BCAR3: variants seen among roughly 807,000 people sequenced by gnomAD.
BCAR3 encodes breast cancer anti-estrogen resistance protein 3.
A neutral mutation model predicts 80.1 loss-of-function variants in BCAR3; 37 were observed. The ratio of observed to expected loss-of-function variants is 0.46; its 90% CI spans 0.36 to 0.61. The LOEUF (loss-of-function observed/expected upper bound fraction) is 0.61, where lower values mean the gene tolerates loss of function less well. Ranked by LOEUF, BCAR3 falls within the 20% of genes least tolerant of loss-of-function variation. The pLI, the probability that BCAR3 is intolerant of heterozygous loss-of-function variation, is 0.00. For missense variants in BCAR3, 978 were observed against 1,068.2 expected (o/e 0.92, Z 1.18); for synonymous variants, 389 against 418.9 (o/e 0.93, Z 0.87).
At chr1:93,601,207 C>T (rs1202018972) in intron 3 of BCAR3, among the ~76,000 whole-genome samples, 1 of 152,028 alleles carries the variant, frequency 6.6e-6, no homozygotes, top group Non-Finnish European at 1.5e-5. Context: ...CTTTCAAAGA[C>T]GGCTTTTAGC....
intron 3 of BCAR3, among the ~76,000 whole-genome samples, chr1:93,690,052 C>T (rs992647781): frequency 6.6e-6 from 1 of 152,186 alleles, no homozygotes; most frequent in African/African-American, 2.4e-5. Flanking sequence ...CACATCTATA[C>T]CTGGCATGCA....
chr1:93,781,114 C>T (rs1046238379), intron 2 of BCAR3, among the ~76,000 whole-genome samples: 2 of 152,240 alleles, frequency 1.3e-5, no homozygotes, highest in African/African-American at 4.8e-5. Flanking sequence ...GCACCTGCCC[C>T]TAGTCCACTT....
intron 2 of BCAR3, among the ~76,000 whole-genome samples, chr1:93,734,945 A>C (rs564378360): frequency 1.3e-5 from 2 of 152,316 alleles, no homozygotes; most frequent in East Asian, 1.9e-4. Flanking sequence ...CCTCTCTACC[A>C]GACACCCATG....
intron 2 of BCAR3, among the ~76,000 whole-genome samples, chr1:93,718,330 C>T (rs1650260165): frequency 6.6e-6 from 1 of 152,130 alleles, no homozygotes; most frequent in African/African-American, 2.4e-5. Flanking sequence ...CACTAGACCC[C>T]AAAGATGAAG....
chr1:93,751,047 GA>G (rs1263798057), intron 2 of BCAR3, among the ~76,000 whole-genome samples: 1 of 152,164 alleles, frequency 6.6e-6, no homozygotes, highest in Non-Finnish European at 1.5e-5. Context: ...TGGTAACCAA[GA>G]AACACCACCA....
intron 2 of BCAR3, among the ~76,000 whole-genome samples, chr1:93,773,636 C>T (rs1652437089): frequency 6.6e-6 from 1 of 152,112 alleles, no homozygotes; most frequent in Non-Finnish European, 1.5e-5. Flanking sequence ...GTGCCCAGTG[C>T]CTATAAAGTA....
At chr1:93,704,978 C>A (rs1024154903) in intron 3 of BCAR3, among the ~76,000 whole-genome samples, 1 of 152,196 alleles carries the variant, frequency 6.6e-6, no homozygotes, top group Non-Finnish European at 1.5e-5. Context: ...ATGCATTTAG[C>A]TGCAGGAAAG....
At chr1:93,832,969 C>T (rs1654625482) in intron 2 of BCAR3, among the ~76,000 whole-genome samples, 1 of 152,102 alleles carries the variant, frequency 6.6e-6, no homozygotes, top group Admixed American at 6.5e-5. Context: ...ACCTCTACTC[C>T]CTCCTTGGTG....
upstream of BCAR3, chr1:93,847,901 C>T: frequency 4.2e-6 from 1 of 239,692 alleles, no homozygotes; most frequent in Non-Finnish European, 8.2e-6. Flanking sequence ...AGAAGAGCGG[C>T]GGCGGCGGCG....
intron 3 of BCAR3, among the ~76,000 whole-genome samples, chr1:93,615,777 C>T (rs1169550828): frequency 1.3e-5 from 2 of 152,172 alleles, no homozygotes; most frequent in African/African-American, 4.8e-5. Context: ...GTGAGCATGA[C>T]TCATCAATCA....
chr1:93,641,445 G>A (rs1329430410), intron 3 of BCAR3, among the ~76,000 whole-genome samples: 1 of 152,170 alleles, frequency 6.6e-6, no homozygotes, highest in African/African-American at 2.4e-5. Flanking sequence ...TAAGTATGTT[G>A]TCATAAATCC....
chr1:93,810,192 C>CAAAAAAAAAAAAAAAAAAAA (rs111305058), intron 2 of BCAR3, among the ~76,000 whole-genome samples: 7 of 98,866 alleles, frequency 7.1e-5, no homozygotes, highest in Non-Finnish European at 8.8e-5. Flanking sequence ...GACTCCATCT[C>CAAAAAAAAAAAAAAAAAAAA]AAAAAAAAAA....
chr1:93,690,730 T>G (rs1649159222), intron 3 of BCAR3, among the ~76,000 whole-genome samples: 1 of 152,244 alleles, frequency 6.6e-6, no homozygotes, highest in Non-Finnish European at 1.5e-5. Flanking sequence ...TACCTCATGA[T>G]GCTGTTGTGA....
At chr1:93,773,814 T>TA (rs1391312912) in intron 2 of BCAR3, among the ~76,000 whole-genome samples, 2 of 152,072 alleles carry the variant, frequency 1.3e-5, no homozygotes, top group Non-Finnish European at 2.9e-5. Flanking sequence ...CTCCTTTTTT[T>TA]AAAAATAAAA....
intron 3 of BCAR3, among the ~76,000 whole-genome samples, chr1:93,612,794 T>C (rs1451869890): frequency 6.6e-6 from 1 of 152,196 alleles, no homozygotes; most frequent in Non-Finnish European, 1.5e-5. Flanking sequence ...GGAATGCTTC[T>C]AACCAATGAT....
intron 8 of BCAR3, 75 bp from the exon 9 acceptor site, chr1:93,571,916 G>A (rs942201746): frequency 2.7e-6 from 4 of 1,501,572 alleles, no homozygotes; most frequent in Non-Finnish European, 3.6e-6. Context: ...TCAGCCAAGA[G>A]CAGGGCTGTT....
intron 3 of BCAR3, among the ~76,000 whole-genome samples, chr1:93,625,492 G>A (rs1251765840): frequency 2.0e-5 from 3 of 152,230 alleles, no homozygotes; most frequent in East Asian, 3.9e-4. Flanking sequence ...ATAAGAATCC[G>A]GCTGAAGACT....
At chr1:93,724,998 G>GT (rs1247130347) in intron 2 of BCAR3, among the ~76,000 whole-genome samples, 1 of 152,172 alleles carries the variant, frequency 6.6e-6, no homozygotes, top group African/African-American at 2.4e-5. Context: ...CACCTGTGGG[G>GT]TAAGTTGCAC....
At chr1:93,760,686 C>T (rs570848296) in intron 2 of BCAR3, among the ~76,000 whole-genome samples, 9 of 152,250 alleles carry the variant, frequency 5.9e-5, no homozygotes, top group African/African-American at 1.9e-4. Context: ...GGCACAGCTC[C>T]ACTCATGGCC....
Sources: allele counts gnomAD v4.1 joint callset (sites outside exome capture counted in the v4.1 genomes callset), GRCh38; gene constraint gnomAD v4.1.1; transcripts MANE v1.5; gene names NCBI Gene and HGNC (gene_info 2026-07-23, HGNC 2026-07-21).